KANK1: variants seen among roughly 807,000 people sequenced by gnomAD.
KANK1 encodes KN motif and ankyrin repeat domains 1, also known as KN motif and ankyrin repeat domain-containing protein 1.
Under a neutral mutation model 106.2 loss-of-function variants are expected in KANK1, and 109 were observed. The ratio of observed to expected loss-of-function variants is 1.03; its 90% CI spans 0.88 to 1.20. KANK1 has a LOEUF of 1.20. KANK1 is among the 50% of genes most tolerant of loss of function. The probability of loss-of-function intolerance (pLI) is 0.00; values close to 1 mark genes in which losing one functional copy is unlikely to be tolerated. For missense variants in KANK1, 2,399 were observed against 1,710.7 expected (o/e 1.40, Z -7.10); for synonymous variants, 873 against 652.2 (o/e 1.34, Z -5.16).
At chr9:537,517 C>G (rs538158505) in intron 1 of KANK1, among the ~76,000 whole-genome samples, 227 of 152,112 alleles carry the variant, frequency 1.5e-3, no homozygotes, top group Non-Finnish European at 2.2e-3. Context: ...TGGGGGGGCT[C>G]TTTTTTTCTC....
intron 1 of KANK1, among the ~76,000 whole-genome samples, chr9:513,974 G>T (rs563606797): frequency 6.6e-6 from 1 of 151,998 alleles, no homozygotes; most frequent in African/African-American, 2.4e-5. Context: ...TCAAAATCAC[G>T]CCGCTGCATT....
At chr9:609,215 C>G (rs1830024287) in intron 1 of KANK1, among the ~76,000 whole-genome samples, 1 of 152,068 alleles carries the variant, frequency 6.6e-6, no homozygotes, top group South Asian at 2.1e-4. Flanking sequence ...TATAATGCCA[C>G]TATATTATTT....
At chr9:520,040 G>C (rs1278708829) in intron 1 of KANK1, among the ~76,000 whole-genome samples, 1 of 151,670 alleles carries the variant, frequency 6.6e-6, no homozygotes, top group Non-Finnish European at 1.5e-5. Flanking sequence ...CAGAGGGTAA[G>C]AAAAGAAATG....
At chr9:741,642 C>A (rs954613512) in intron 9 of KANK1, among the ~76,000 whole-genome samples, 2 of 152,090 alleles carry the variant, frequency 1.3e-5, no homozygotes, top group Non-Finnish European at 2.9e-5. Context: ...CGCCCACCCC[C>A]ACGTCCGGCT....
chr9:620,359 A>T (rs1563874387), intron 1 of KANK1, among the ~76,000 whole-genome samples: 1 of 152,122 alleles, frequency 6.6e-6, no homozygotes, highest in African/African-American at 2.4e-5. Context: ...GCCATAGTAA[A>T]CAACACGTAA....
rs3739586 is a variant in KANK1, at chr9:745,413, A to G, written c.*178A>G. 0.67 allele frequency: 428,448 copies of G among 637,140 alleles called. 146,563 individuals are homozygous for G. Among genetic ancestry groups the G allele is most frequent in the African/African-American group, 0.88 (47,395 of 54,092 alleles). The allele number at this position is 637,140 out of a possible 1,614,324, so 39.5% of individuals were successfully genotyped here. A position where few individuals can be genotyped will look rare whatever the true frequency, so the allele number is the denominator to read the frequency against. On this transcript the variant is annotated 3_prime_UTR_variant, in exon 12 of 12. Transcript: ENST00000382297. ...GCAGAGACTGCTAGCCTGGGCACAC[A>G]CACCTCCTTTCTGGCCGTCTTCTGT...
chr9:663,707 G>C (rs937716820), intron 1 of KANK1, among the ~76,000 whole-genome samples: 1 of 152,166 alleles, frequency 6.6e-6, no homozygotes, highest in African/African-American at 2.4e-5. Flanking sequence ...AAATGTTCAG[G>C]AAGCTGCGTG....
intron 3 of KANK1, among the ~76,000 whole-genome samples, chr9:480,830 A>C (rs1490481562): frequency 6.6e-6 from 1 of 152,224 alleles, no homozygotes; most frequent in Non-Finnish European, 1.5e-5. Flanking sequence ...GGTTGGGCAG[A>C]TAAATTGTGT....
intron 1 of KANK1, among the ~76,000 whole-genome samples, chr9:649,312 A>G (rs968693281): frequency 1.3e-5 from 2 of 152,108 alleles, no homozygotes; most frequent in Non-Finnish European, 2.9e-5. Context: ...TTGTCCCTAC[A>G]TCCCATCTAC....
chr9:568,005 T>C (rs977009580), intron 1 of KANK1, among the ~76,000 whole-genome samples: 2 of 151,718 alleles, frequency 1.3e-5, no homozygotes, highest in Non-Finnish European at 2.9e-5. Flanking sequence ...TTTTTTTTTT[T>C]CTTTGTGCCC....
chr9:694,737 G>T (rs1820813410), intron 2 of KANK1, among the ~76,000 whole-genome samples: 1 of 152,100 alleles, frequency 6.6e-6, no homozygotes, highest in African/African-American at 2.4e-5. Flanking sequence ...CGTGCAGCCT[G>T]GCTTCTGGCC....
intron 2 of KANK1, among the ~76,000 whole-genome samples, chr9:694,841 G>A (rs753591244): frequency 3.9e-5 from 6 of 152,170 alleles, no homozygotes; most frequent in Non-Finnish European, 4.4e-5. Context: ...CAGCTGGAAA[G>A]GTGCTGCTGA....
At chr9:552,842 G>T (rs562552138) in intron 1 of KANK1, among the ~76,000 whole-genome samples, 2 of 152,312 alleles carry the variant, frequency 1.3e-5, no homozygotes, top group African/African-American at 4.8e-5. Flanking sequence ...GTGATCCTTT[G>T]TTAGAAATGA....
chr9:707,069 G>A lies in KANK1; in HGVS notation c.38-3735G>A, dbSNP rs1439327779. On this transcript the variant is annotated intron_variant, in intron 2 of 11. Coordinates refer to ENST00000382297, the MANE Select transcript of KANK1 (RefSeq NM_015158.5). ...GGTGGTGTCACTGCAGCCGGAGGGA[G>A]ACCTCGCCGGTGAAAGCTCAGCCTA... 4 of 985,346 alleles carry A rather than the reference G, an allele frequency of 4.1e-6. No homozygotes were observed. The African/African-American group carries it at 7.0e-5, about 17-fold the overall frequency. The allele number at this position is 985,346 out of a possible 1,614,324, so 61.0% of individuals were successfully genotyped here.
chr9:518,310 G>A (rs1023724645), intron 1 of KANK1, among the ~76,000 whole-genome samples: 1 of 151,774 alleles, frequency 6.6e-6, no homozygotes, highest in Non-Finnish European at 1.5e-5. Context: ...TAAAGCGGTT[G>A]TTCACATGTT....
chr9:635,047 A>G (rs1563901583), intron 1 of KANK1, among the ~76,000 whole-genome samples: 1 of 152,172 alleles, frequency 6.6e-6, no homozygotes, highest in African/African-American at 2.4e-5. Flanking sequence ...ACCAAAAATG[A>G]GTCACATGGT....
chr9:664,447 C>T (rs1844102267), intron 1 of KANK1, among the ~76,000 whole-genome samples: 2 of 152,132 alleles, frequency 1.3e-5, no homozygotes, highest in African/African-American at 4.8e-5. Flanking sequence ...ATTTTTACCA[C>T]ACTTTCTTTT....
intron 3 of KANK1, among the ~76,000 whole-genome samples, chr9:478,856 G>A (rs1023357651): frequency 1.3e-5 from 2 of 151,496 alleles, no homozygotes; most frequent in African/African-American, 4.9e-5. Flanking sequence ...AGTTTGCTAA[G>A]TTTTTGACCC....
chr9:569,893 C>G (rs554097701), intron 1 of KANK1, among the ~76,000 whole-genome samples: 3 of 151,572 alleles, frequency 2.0e-5, no homozygotes, highest in East Asian at 1.9e-4. Flanking sequence ...ACATTTTTCT[C>G]TGTTCTCAAC....
Sources: gnomAD v4.1 joint callset for allele counts (sites outside exome capture counted in the v4.1 genomes callset) on GRCh38, gnomAD v4.1.1 for gene constraint, MANE v1.5 for transcripts, NCBI Gene and HGNC (gene_info 2026-07-23, HGNC 2026-07-21) for gene names.